RPS9: variants seen among roughly 807,000 people sequenced by gnomAD.
The protein encoded by RPS9 is ribosomal protein S9.
A neutral mutation model predicts 16.9 loss-of-function variants in RPS9; 1 was observed. The ratio of observed to expected loss-of-function variants is 0.06; its 90% CI spans 0.02 to 0.28. The LOEUF (loss-of-function observed/expected upper bound fraction) is 0.28, where lower values mean the gene tolerates loss of function less well. RPS9 is among the 10% of genes least tolerant of loss of function. The pLI, the probability that RPS9 is intolerant of heterozygous loss-of-function variation, is 1.00. For synonymous variants in RPS9, 106 were observed against 110.9 expected, an observed-to-expected ratio of 0.96 and a Z score of 0.28; for missense variants, 137 against 273.2, an observed-to-expected ratio of 0.50 and a Z score of 3.51.
rs776541362 is a variant in RPS9 at position 54,201,518 on chromosome 19, C to T, written c.129C>T (p.Val43=). The T allele has an allele frequency of 8.1e-6, 13 of 1,613,908 alleles. No individual in the cohort carries two copies. The African/African-American group carries it at 1.5e-4, about 18-fold the overall frequency. Reference sequence around the variant, plus strand: ...ATGGGCTCCGGAACAAACGTGAGGTCTGGAGGGTCAAATTTACCCTGGCCA... The same window carrying T: ...ATGGGCTCCGGAACAAACGTGAGGTTTGGAGGGTCAAATTTACCCTGGCCA... ...GEYGLRNKRE[V]WRVKFTLAKI... Residue 43 remains valine, a synonymous_variant, in exon 3 of 5, where the codon GTC becomes GTT. Transcript: ENST00000302907.
chr19:54,201,184 C>G lies in RPS9; in HGVS notation c.-1C>G, dbSNP rs199836435. ...GGCGCAGACGGGGAAGCGGAGCCAA[C>G]ATGCCAGTGGCCCGGAGCTGGGTTT... On this transcript the variant is annotated 5_prime_UTR_variant, in exon 2 of 5. Transcript: ENST00000302907. The G allele has an allele frequency of 1.2e-5, 20 of 1,601,446 alleles. 1 individual carries two copies. The East Asian group carries it at 4.5e-4, about 36-fold the overall frequency.
At position 54,207,132 on chromosome 19, in the gene RPS9, A is replaced by G. The variant is rs555836926; in HGVS notation, c.408-266A>G. 447 of 504,120 alleles carry G rather than the reference A, an allele frequency of 8.9e-4. 1 individual carries two copies. Among genetic ancestry groups the G allele is most frequent in the Non-Finnish European group, 1.3e-3 (362 of 285,838 alleles). The allele number at this position is 504,120 out of a possible 1,614,324, so 31.2% of individuals were successfully genotyped here. ...TTGGGGGCTCTCACATGGCCATCTC[A>G]TTTGCTTTGTGGTCTTAGGTGGGAT... On this transcript the variant is annotated intron_variant, in intron 4 of 4. Coordinates refer to ENST00000302907, the MANE Select transcript of RPS9 (RefSeq NM_001013.4).
rs1304754366 is a variant in RPS9 at position 54,202,978 on chromosome 19, G to GT, written c.220+1370dup. On this transcript the variant is annotated intron_variant, in intron 3 of 4. Transcript: ENST00000302907. ...TTTCCAAAGTGCTGGGGTTACAGGT[G>GT]TAAGCCACCGCACCTGACCCTTTCA... The GT allele has an allele frequency of 1.2e-5, 12 of 968,936 alleles. No homozygotes were observed. In the African/African-American group the frequency reaches 1.9e-4, roughly 16 times the overall value. 60.0% of individuals were successfully genotyped at this position (968,936 alleles called of 1,614,324 possible).
intron 3 of RPS9, chr19:54,201,820 T>C (rs556043126): frequency 5.6e-6 from 6 of 1,064,350 alleles, no homozygotes; most frequent in Non-Finnish European, 5.2e-6. Context: ...TGCCCAGTTA[T>C]TGGACCTTCA....
intron 4 of RPS9, 61 bp from the exon 5 acceptor site, chr19:54,207,337 C>A: frequency 7.1e-7 from 1 of 1,416,460 alleles, no homozygotes; most frequent in Non-Finnish European, 9.8e-7. Flanking sequence ...AAGAGTGGTG[C>A]GGTAGCTGGG....
At chr19:54,203,012 G>C (rs936536119) in intron 3 of RPS9, 19 of 983,690 alleles carry the variant, frequency 1.9e-5, no homozygotes, top group Admixed American at 6.2e-5. Context: ...CATTCTTTTC[G>C]TCAATTTGTA....
chr19:54,202,519 A>C (rs1021495796), intron 3 of RPS9: 1 of 979,588 alleles, frequency 1.0e-6, no homozygotes, highest in Non-Finnish European at 1.2e-6. Flanking sequence ...TTAGGAGGGC[A>C]TGCAGATCAC....
chr19:54,205,904 C>T (rs71365433), intron 3 of RPS9, among the ~76,000 whole-genome samples: 11,908 of 152,254 alleles, frequency 0.078, 656 homozygotes, highest in Middle Eastern at 0.13. Flanking sequence ...GCAACCTCCG[C>T]CTCCTGGGTT....
chr19:54,203,400 G>T, intron 3 of RPS9: 1 of 710,946 alleles, frequency 1.4e-6, no homozygotes, highest in Non-Finnish European at 1.7e-6. Flanking sequence ...ACTAAGATGT[G>T]TGACTAGCGA....
At chr19:54,202,897 A>G in intron 3 of RPS9, 1 of 983,730 alleles carries the variant, frequency 1.0e-6, no homozygotes, top group Non-Finnish European at 1.2e-6. Flanking sequence ...AGGATCTTGC[A>G]GTGTTGACCA....
chr19:54,202,568 AC>A, intron 3 of RPS9: 3 of 983,274 alleles, frequency 3.1e-6, no homozygotes, highest in Non-Finnish European at 3.6e-6. Context: ...GGTGAAATAC[AC>A]ATTAAATTGA....
chr19:54,204,522 T>A (rs1341533369), intron 3 of RPS9, among the ~76,000 whole-genome samples: 4 of 152,180 alleles, frequency 2.6e-5, no homozygotes, highest in Admixed American at 6.5e-5. Flanking sequence ...TCCTCAGCTC[T>A]AGTAGCTGGG....
chr19:54,206,149 G>A, intron 3 of RPS9, 127 bp from the exon 4 acceptor site: 1 of 886,754 alleles, frequency 1.1e-6, no homozygotes, highest in South Asian at 1.7e-5. Context: ...ATGGGTCACG[G>A]TGATGGCGCT....
At chr19:54,203,221 T>C (rs1248253235) in intron 3 of RPS9, 1 of 963,026 alleles carries the variant, frequency 1.0e-6, no homozygotes, top group Non-Finnish European at 1.2e-6. Flanking sequence ...CTGAGGGTTA[T>C]TTGTGGTTTT....
chr19:54,202,932 A>C, intron 3 of RPS9: 1 of 971,690 alleles, frequency 1.0e-6, no homozygotes. Flanking sequence ...TCCTAACCTC[A>C]AGTGATCCAT....
At chr19:54,203,241 A>G (rs1351360973) in intron 3 of RPS9, 1 of 982,820 alleles carries the variant, frequency 1.0e-6, no homozygotes, top group Non-Finnish European at 1.2e-6. Flanking sequence ...TCCAAGGCAG[A>G]AGTGAAAATT....
At chr19:54,205,366 G>A (rs1193987446) in intron 3 of RPS9, among the ~76,000 whole-genome samples, 1 of 151,332 alleles carries the variant, frequency 6.6e-6, no homozygotes, top group Admixed American at 6.6e-5. Context: ...GCATCTGTTG[G>A]ATATTTTATG....
chr19:54,201,124 T>C lies in RPS9; in HGVS notation c.-25-36T>C, dbSNP rs1228293428. On this transcript the variant is annotated intron_variant, in intron 1 of 4. Coordinates refer to ENST00000302907, the MANE Select transcript of RPS9 (RefSeq NM_001013.4). ...AGTTGTGGGACTGCGCAGGCGCCGT[T>C]TGGATCCCTTACGCTCACACTTCTC... 1.2e-5 allele frequency: 19 copies of C among 1,610,856 alleles called. No individual in the cohort carries two copies. The Middle Eastern group carries it at 6.7e-4, about 57-fold the overall frequency.
In RPS9 at chr19:54,201,580, A is replaced by G; in HGVS notation, c.191A>G (p.Asp64Gly). The G allele has an allele frequency of 6.2e-7, 1 of 1,614,148 alleles. No homozygotes were observed. Among genetic ancestry groups the G allele is most frequent in the Non-Finnish European group, 8.5e-7 (1 of 1,180,024 alleles). The change falls in exon 3 of 5, where the codon GAT becomes GGT. Residue 64 changes from aspartate to glycine, a missense_variant. Physicochemically the swap from Asp to Gly is moderately conservative, Grantham distance 94 (BLOSUM62 -1). Transcript: ENST00000302907. ...GCCGCCCGGGAACTGCTGACGCTTG[A>G]TGAGAAGGACCCACGGCGTCTGTTC... is the stretch of plus-strand genomic sequence containing the variant. ...RKAARELLTL[D>G]EKDPRRLFEG...
Sources: gnomAD v4.1 joint callset for allele counts (sites outside exome capture counted in the v4.1 genomes callset) on GRCh38, gnomAD v4.1.1 for gene constraint, MANE v1.5 for transcripts, NCBI Gene and HGNC (gene_info 2026-07-23, HGNC 2026-07-21) for gene names.